The following ZBTB7C variants were observed in gnomAD, a reference collection of about 807,000 sequenced individuals.
The protein encoded by ZBTB7C is zinc finger and BTB domain containing 7C.
ZBTB7C carries 8 observed loss-of-function variants against 25.7 expected under a neutral mutation model. The ratio of observed to expected loss-of-function variants is 0.31; its 90% CI spans 0.18 to 0.56. The LOEUF (loss-of-function observed/expected upper bound fraction) is 0.56, where lower values mean the gene tolerates loss of function less well. ZBTB7C is among the 20% of genes least tolerant of loss of function. ZBTB7C has a pLI of 0.91. For missense variants in ZBTB7C, 824 were observed against 855.2 expected (o/e 0.96, Z 0.46); for synonymous variants, 394 against 369.0 (o/e 1.07, Z -0.78).
chr18:48,108,886 T>C (rs1265669971), intron 3 of ZBTB7C, among the ~76,000 whole-genome samples: 1 of 152,114 alleles, frequency 6.6e-6, no homozygotes, highest in African/African-American at 2.4e-5. Context: ...TGCTCCTTTA[T>C]ATGGAATCTG....
intron 3 of ZBTB7C, among the ~76,000 whole-genome samples, chr18:48,051,395 C>T (rs767302012): frequency 1.3e-5 from 2 of 152,154 alleles, no homozygotes; most frequent in African/African-American, 4.8e-5. Flanking sequence ...GGACCCCCTT[C>T]GTCTATGTAG....
chr18:48,237,797 C>T (rs547148812), intron 2 of ZBTB7C, among the ~76,000 whole-genome samples: 1 of 152,160 alleles, frequency 6.6e-6, no homozygotes, highest in African/African-American at 2.4e-5. Context: ...GGATTTACAG[C>T]AGCATTGTTT....
intron 1 of ZBTB7C, chr18:48,364,267 T>A (rs1346875964): frequency 6.6e-6 from 1 of 152,028 alleles, no homozygotes; most frequent in Non-Finnish European, 1.5e-5. Context: ...GAGCTGACAG[T>A]CCAATAAAGA....
Position 48,370,276 on chromosome 18 carries a change from C to T in ZBTB7C, c.-303-31878G>A, listed in dbSNP as rs530103262. Reference sequence around the variant, plus strand: ...CTATTGATACATGCATCAACCCAGACGAATCTTCAGGGAATTATGCTGAGT... The same window carrying T: ...CTATTGATACATGCATCAACCCAGATGAATCTTCAGGGAATTATGCTGAGT... On this transcript the variant is annotated intron_variant, in intron 1 of 4. Transcript: ENST00000590800. Among the ~76,000 whole-genome samples, 336 of 152,152 alleles carry T rather than the reference C, an allele frequency of 2.2e-3. 2 individuals carry two copies. Among genetic ancestry groups the T allele is most frequent in the African/African-American group, 7.3e-3 (302 of 41,516 alleles).
chr18:48,081,583 C>T (rs2037988467), intron 3 of ZBTB7C, among the ~76,000 whole-genome samples: 3 of 152,044 alleles, frequency 2.0e-5, no homozygotes, highest in Admixed American at 2.0e-4. Context: ...CTCAGCCTCC[C>T]TCTAAGTGAT....
chr18:48,208,920 A>C (rs1475839743), intron 2 of ZBTB7C, among the ~76,000 whole-genome samples: 1 of 152,166 alleles, frequency 6.6e-6, no homozygotes, highest in Non-Finnish European at 1.5e-5. Context: ...TGTTATTTGG[A>C]TTTGTTCTCC....
At chr18:48,300,717 A>G (rs1000835006) in intron 2 of ZBTB7C, among the ~76,000 whole-genome samples, 11 of 152,242 alleles carry the variant, frequency 7.2e-5, no homozygotes, top group Admixed American at 6.5e-4. Flanking sequence ...AACCTCCACA[A>G]GTAGGCAGTG....
Position 48,210,730 on chromosome 18 carries a change from T to G in ZBTB7C, c.-78-24735A>C, listed in dbSNP as rs141650778. ...GGGGGTAGGGAAAATGTTCTGGAAT[T>G]AGAAGAGATGGTTGCAAAACTCCAT... On this transcript the variant is annotated intron_variant, in intron 2 of 4. Coordinates refer to ENST00000590800, the MANE Select transcript of ZBTB7C (RefSeq NM_001318841.2). Among the ~76,000 whole-genome samples, 165 of 152,220 alleles carry G rather than the reference T, an allele frequency of 1.1e-3. 1 individual carries two copies. The highest frequency in any genetic ancestry group is 3.6e-3 in the African/African-American group (151 of 41,504).
intron 1 of ZBTB7C, among the ~76,000 whole-genome samples, chr18:48,357,277 T>C (rs1201182378): frequency 1.3e-5 from 2 of 152,162 alleles, no homozygotes; most frequent in Non-Finnish European, 2.9e-5. Context: ...GTGCTCCTGT[T>C]GGAGGCTGGG....
rs181760413 is a variant in ZBTB7C, at chr18:48,099,186, G to A, written c.-16-58063C>T. Among the ~76,000 whole-genome samples, 428 of 152,328 alleles carry A rather than the reference G, an allele frequency of 2.8e-3. 2 individuals are homozygous for A. The highest frequency in any genetic ancestry group is 1.0e-2 in the African/African-American group (414 of 41,576). On this transcript the variant is annotated intron_variant, in intron 3 of 4. Coordinates refer to ENST00000590800, the MANE Select transcript of ZBTB7C (RefSeq NM_001318841.2). ...TGCAAAGAACTGTTGCCAGGAATAAGTGAGTGCCTATAAAGTGCTTTATTA... is the reference window on the plus strand; with the variant it reads ...TGCAAAGAACTGTTGCCAGGAATAAATGAGTGCCTATAAAGTGCTTTATTA...
intron 2 of ZBTB7C, among the ~76,000 whole-genome samples, chr18:48,299,676 A>T (rs1236004816): frequency 6.6e-6 from 1 of 152,186 alleles, no homozygotes; most frequent in Non-Finnish European, 1.5e-5. Context: ...TGAGTAGGAA[A>T]CAGCCAGGGG....
intron 1 of ZBTB7C, among the ~76,000 whole-genome samples, chr18:48,389,117 G>C (rs1443348191): frequency 2.0e-5 from 3 of 152,036 alleles, no homozygotes. Context: ...CGGGCTGTGA[G>C]TAGCAGGGTA....
chr18:48,189,144 C>T (rs1455079228), intron 2 of ZBTB7C, among the ~76,000 whole-genome samples: 1 of 152,234 alleles, frequency 6.6e-6, no homozygotes, highest in Non-Finnish European at 1.5e-5. Flanking sequence ...CATAGCTCCC[C>T]TGCCCAGGGC....
intron 1 of ZBTB7C, among the ~76,000 whole-genome samples, chr18:48,386,588 T>C (rs2047754424): frequency 6.6e-6 from 1 of 152,228 alleles, no homozygotes; most frequent in South Asian, 2.1e-4. Flanking sequence ...TAGCAGGAGA[T>C]ATACAAAAAC....
intron 2 of ZBTB7C, among the ~76,000 whole-genome samples, chr18:48,310,229 C>CAA (rs201208058): frequency 7.7e-6 from 1 of 130,132 alleles, no homozygotes; most frequent in Non-Finnish European, 1.7e-5. Flanking sequence ...GACTCCACCT[C>CAA]AAAAAAAAAA....
chr18:48,091,242 T>TTTTTTTTA (rs2038403658), intron 3 of ZBTB7C, among the ~76,000 whole-genome samples: 1 of 137,362 alleles, frequency 7.3e-6, no homozygotes, highest in Non-Finnish European at 1.6e-5. Flanking sequence ...CGGATAATTT[T>TTTTTTTTA]TTTTTTTTTT....
At chr18:48,180,112 TTTCC>T (rs71165315) in intron 3 of ZBTB7C, among the ~76,000 whole-genome samples, 724 of 52,102 alleles carry the variant, frequency 0.014, 13 homozygotes, top group African/African-American at 0.043. Context: ...CCTTCCTTCC[TTTCC>T]TTCCTTCCTT....
intron 2 of ZBTB7C, among the ~76,000 whole-genome samples, chr18:48,273,361 GA>G (rs1255785286): frequency 1.3e-5 from 2 of 151,142 alleles, no homozygotes; most frequent in African/African-American, 2.4e-5. Flanking sequence ...GGACAATTAA[GA>G]AAAAAAATAG....
intron 2 of ZBTB7C, among the ~76,000 whole-genome samples, chr18:48,306,646 T>C (rs1214708212): frequency 6.6e-6 from 1 of 152,190 alleles, no homozygotes; most frequent in Non-Finnish European, 1.5e-5. Flanking sequence ...ATGCTTATCT[T>C]CTTATCACAA....
Sources: gnomAD v4.1 joint callset for allele counts (sites outside exome capture counted in the v4.1 genomes callset) on GRCh38, gnomAD v4.1.1 for gene constraint, MANE v1.5 for transcripts, NCBI Gene and HGNC (gene_info 2026-07-23, HGNC 2026-07-21) for gene names.